RPS6KC1: variants seen among roughly 807,000 people sequenced by gnomAD.
RPS6KC1 encodes the protein ribosomal protein S6 kinase C1.
Under a neutral mutation model 103.8 loss-of-function variants are expected in RPS6KC1, and 54 were observed. That is an observed-to-expected ratio of 0.52 (90% CI 0.42 to 0.65). The LOEUF is 0.65. Among genes scored for constraint, RPS6KC1 ranks in the 30% least tolerant of loss-of-function variants. RPS6KC1 has a pLI of 0.00. For synonymous variants in RPS6KC1, 439 were observed against 438.7 expected (o/e 1.00, Z -0.01); for missense variants, 1,151 against 1,253.8 (o/e 0.92, Z 1.24).
chr1:213,519,375 G>A, the RPS6KC1 span, among the ~76,000 whole-genome samples: 1 of 152,286 alleles, frequency 6.6e-6, no homozygotes, highest in South Asian at 2.1e-4. Context: ...TCATTTGTTT[G>A]CAGTAGCCAT....
chr1:213,471,480 C>G, the RPS6KC1 span, among the ~76,000 whole-genome samples: 1 of 152,160 alleles, frequency 6.6e-6, no homozygotes, highest in Admixed American at 6.5e-5. Flanking sequence ...GGGTTGAGGT[C>G]AGTGGAAGGA....
intron 10 of RPS6KC1, among the ~76,000 whole-genome samples, chr1:213,235,119 AC>A (rs1194166266): frequency 2.6e-5 from 4 of 152,222 alleles, no homozygotes; most frequent in Admixed American, 2.6e-4. Flanking sequence ...CAAACCTTGA[AC>A]AGTTGTTTTC....
chr1:213,695,239 G>C, the RPS6KC1 span, among the ~76,000 whole-genome samples: 3 of 152,210 alleles, frequency 2.0e-5, no homozygotes, highest in Non-Finnish European at 4.4e-5. Context: ...TCAGTGGTGT[G>C]GGCACATGTC....
the RPS6KC1 span, among the ~76,000 whole-genome samples, chr1:213,367,990 AATCTGTGAGAGGC>A: frequency 6.6e-6 from 1 of 152,182 alleles, no homozygotes; most frequent in Non-Finnish European, 1.5e-5. Flanking sequence ...TTGGTCTCTT[AATCTGTGAGAGGC>A]ATTGAGCTAG....
the RPS6KC1 span, among the ~76,000 whole-genome samples, chr1:213,619,667 T>C: frequency 6.6e-6 from 1 of 152,220 alleles, no homozygotes; most frequent in Non-Finnish European, 1.5e-5. Flanking sequence ...AGGTATGGCC[T>C]ATAGACCAAT....
chr1:213,659,468 C>A, the RPS6KC1 span, among the ~76,000 whole-genome samples: 2 of 152,192 alleles, frequency 1.3e-5, no homozygotes, highest in African/African-American at 4.8e-5. Flanking sequence ...TTCAGACTGT[C>A]CTCTATTAGT....
the RPS6KC1 span, among the ~76,000 whole-genome samples, chr1:213,685,407 G>T: frequency 6.6e-6 from 1 of 152,136 alleles, no homozygotes; most frequent in Non-Finnish European, 1.5e-5. Flanking sequence ...GAGGCGAGAG[G>T]ATCACTTGAG....
intron 5 of RPS6KC1, among the ~76,000 whole-genome samples, chr1:213,127,621 A>G (rs1268879046): frequency 6.6e-6 from 1 of 152,136 alleles, no homozygotes; most frequent in African/African-American, 2.4e-5. Flanking sequence ...TTTTTCTTGA[A>G]AGGGAGTGAA....
At chr1:213,457,884 A>C in the RPS6KC1 span, among the ~76,000 whole-genome samples, 3 of 152,158 alleles carry the variant, frequency 2.0e-5, no homozygotes, top group South Asian at 4.1e-4. Context: ...TTCTTGGCTT[A>C]CTCCTCAACC....
At chr1:213,778,194 G>T in the RPS6KC1 span, among the ~76,000 whole-genome samples, 3 of 152,148 alleles carry the variant, frequency 2.0e-5, no homozygotes, top group South Asian at 6.2e-4. Context: ...CAAGAGGATT[G>T]CCTCAATAAA....
chr1:213,659,902 A>G, the RPS6KC1 span, among the ~76,000 whole-genome samples: 433 of 152,340 alleles, frequency 2.8e-3, 5 homozygotes, highest in African/African-American at 9.9e-3. Flanking sequence ...CCTTGTTTAC[A>G]CCTGATAATA....
the RPS6KC1 span, among the ~76,000 whole-genome samples, chr1:213,857,933 T>C: frequency 2.0e-5 from 3 of 152,282 alleles, no homozygotes; most frequent in East Asian, 5.8e-4. Context: ...TCATGCCAAA[T>C]AGGAGAGGGA....
chr1:213,061,926 G>C (rs543662022), intron 1 of RPS6KC1, among the ~76,000 whole-genome samples: 10 of 152,252 alleles, frequency 6.6e-5, no homozygotes, highest in African/African-American at 2.4e-4. Context: ...CCCTTAACTA[G>C]CAGCTGAACA....
the RPS6KC1 span, among the ~76,000 whole-genome samples, chr1:213,536,147 C>A: frequency 6.6e-6 from 1 of 152,100 alleles, no homozygotes; most frequent in African/African-American, 2.4e-5. Context: ...CTGAACGTTC[C>A]TATCAAGTTC....
the RPS6KC1 span, among the ~76,000 whole-genome samples, chr1:213,681,365 A>G: frequency 6.6e-6 from 1 of 152,282 alleles, no homozygotes; most frequent in East Asian, 1.9e-4. Context: ...TGATTATTGC[A>G]TTTGAAAACC....
At chr1:213,579,279 G>C in the RPS6KC1 span, among the ~76,000 whole-genome samples, 4 of 151,944 alleles carry the variant, frequency 2.6e-5, no homozygotes, top group Non-Finnish European at 5.9e-5. Flanking sequence ...CCTGTCTTAG[G>C]TATTTCTTTA....
chr1:213,636,317 C>T, the RPS6KC1 span, among the ~76,000 whole-genome samples: 1 of 152,108 alleles, frequency 6.6e-6, no homozygotes, highest in African/African-American at 2.4e-5. Flanking sequence ...CCAAGAGAAA[C>T]CTAAGCAAAA....
the RPS6KC1 span, among the ~76,000 whole-genome samples, chr1:213,577,704 G>A: frequency 2.0e-5 from 3 of 152,110 alleles, no homozygotes; most frequent in Non-Finnish European, 4.4e-5. Flanking sequence ...GATGATTTAG[G>A]GTATCTGGTA....
At chr1:213,286,548 G>C in the RPS6KC1 span, among the ~76,000 whole-genome samples, 1 of 152,140 alleles carries the variant, frequency 6.6e-6, no homozygotes, top group African/African-American at 2.4e-5. Flanking sequence ...GAGAATTACA[G>C]GGAACCAATT....
Sources: allele counts gnomAD v4.1 joint callset (sites outside exome capture counted in the v4.1 genomes callset), GRCh38; gene constraint gnomAD v4.1.1; transcripts MANE v1.5; gene names NCBI Gene and HGNC (gene_info 2026-07-23, HGNC 2026-07-21).